VKORC1L1: variants seen among roughly 807,000 people sequenced by gnomAD.
The protein encoded by VKORC1L1 is vitamin K epoxide reductase complex subunit 1-like protein 1.
A neutral mutation model predicts 18.9 loss-of-function variants in VKORC1L1; 2 were observed. That is an observed-to-expected ratio of 0.11 (90% CI 0.04 to 0.33). The LOEUF (loss-of-function observed/expected upper bound fraction) is 0.33, where lower values mean the gene tolerates loss of function less well. Ranked by LOEUF, VKORC1L1 falls within the 10% of genes least tolerant of loss-of-function variation. The pLI is 1.00. For synonymous variants in VKORC1L1, 96 were observed against 100.0 expected, an observed-to-expected ratio of 0.96 and a Z score of 0.24; for missense variants, 123 against 224.1, an observed-to-expected ratio of 0.55 and a Z score of 2.88.
chr7:65,959,357 A>G lies in VKORC1L1; in HGVS notation c.*5057A>G, dbSNP rs984630632. The G allele has an allele frequency of 2.0e-5, 3 of 152,206 alleles. 1 individual carries two copies. In the South Asian group the frequency reaches 6.2e-4, roughly 31 times the overall value. 9.4% of individuals were successfully genotyped at this position (152,206 alleles called of 1,614,324 possible). On this transcript the variant is annotated 3_prime_UTR_variant, in exon 3 of 3. Coordinates refer to ENST00000360768, the MANE Select transcript of VKORC1L1 (RefSeq NM_173517.6). Reference sequence around the variant, plus strand: ...ATTTGTAAACCATTTAAATGTGTCTATTACATTTAACTTTTCTTAATGTTT... The same window carrying G: ...ATTTGTAAACCATTTAAATGTGTCTGTTACATTTAACTTTTCTTAATGTTT...
chr7:65,957,384 G>C lies in VKORC1L1; in HGVS notation c.*3084G>C, dbSNP rs1790313063. On this transcript the variant is annotated 3_prime_UTR_variant, in exon 3 of 3. Transcript: ENST00000360768. ...TAATCCCAGCTACTCGGGAGGCTGAGGGAGGAGAATTGCTTGAGCCCGGGA... is the reference window on the plus strand; with the variant it reads ...TAATCCCAGCTACTCGGGAGGCTGACGGAGGAGAATTGCTTGAGCCCGGGA... The C allele has an allele frequency of 6.6e-6, 1 of 152,260 alleles. No individual in the cohort carries two copies. Among genetic ancestry groups the C allele is most frequent in the South Asian group, 2.1e-4 (1 of 4,824 alleles). The allele number at this position is 152,260 out of a possible 1,614,324, so 9.4% of individuals were successfully genotyped here. A position where few individuals can be genotyped will look rare whatever the true frequency, so the allele number is the denominator to read the frequency against.
At chr7:65,913,163 A>G (rs551224804) in intron 1 of VKORC1L1, among the ~76,000 whole-genome samples, 11 of 152,354 alleles carry the variant, frequency 7.2e-5, no homozygotes, top group African/African-American at 2.4e-4. Flanking sequence ...CTTGGCTGCT[A>G]TAACTATGAA....
chr7:65,945,404 G>T (rs1258955336), intron 1 of VKORC1L1, among the ~76,000 whole-genome samples: 4 of 152,102 alleles, frequency 2.6e-5, no homozygotes, highest in African/African-American at 4.8e-5. Flanking sequence ...GAGGTCAGCA[G>T]ATCGAGACCA....
Position 65,955,123 on chromosome 7 carries a change from C to G in VKORC1L1, c.*823C>G, listed in dbSNP as rs1203235115. The G allele has an allele frequency of 1.3e-5, 2 of 152,122 alleles. No homozygotes were observed. Among genetic ancestry groups the G allele is most frequent in the African/African-American group, 4.8e-5 (2 of 41,408 alleles). The allele number at this position is 152,122 out of a possible 1,614,324, so 9.4% of individuals were successfully genotyped here. On this transcript the variant is annotated 3_prime_UTR_variant, in exon 3 of 3. Transcript: ENST00000360768. ...AGTCATGTGGCCAGACCTTCAAGTC[C>G]AAGGCCTTCAGACACTAAGGATGGG...
At chr7:65,900,006 C>A (rs1332699185) in intron 1 of VKORC1L1, among the ~76,000 whole-genome samples, 3 of 145,634 alleles carry the variant, frequency 2.1e-5, no homozygotes, top group East Asian at 2.1e-4. Flanking sequence ...CACACACACA[C>A]AAAAATAGCT....
chr7:65,945,481 G>A (rs1444963456), intron 1 of VKORC1L1, among the ~76,000 whole-genome samples: 1 of 151,994 alleles, frequency 6.6e-6, no homozygotes. Flanking sequence ...GCATGGTGGT[G>A]GGCGCCTGTA....
intron 2 of VKORC1L1, among the ~76,000 whole-genome samples, chr7:65,952,817 ACT>A (rs1003656496): frequency 1.8e-5 from 2 of 111,894 alleles, no homozygotes; most frequent in African/African-American, 7.1e-5. Context: ...CAGAGTTAAG[ACT>A]CTGTCGCCCA....
At chr7:65,875,542 T>C (rs1331320782) in intron 1 of VKORC1L1, among the ~76,000 whole-genome samples, 1 of 151,948 alleles carries the variant, frequency 6.6e-6, no homozygotes, top group Non-Finnish European at 1.5e-5. Flanking sequence ...CTCAGCCTCC[T>C]GAGTAGCTGG....
rs1047992181 is a variant in VKORC1L1, at chr7:65,939,753, G to A, written c.195-8918G>A. 2.6e-5 allele frequency among the ~76,000 whole-genome samples: 4 copies of A among 152,126 alleles called. 1 individual carries two copies. The highest frequency in any genetic ancestry group is 7.2e-5 in the African/African-American group (3 of 41,440). On this transcript the variant is annotated intron_variant, in intron 1 of 2. Coordinates refer to ENST00000360768, the MANE Select transcript of VKORC1L1 (RefSeq NM_173517.6). ...AAGCCACAGGTTACAACAGATTTGCGAACTCAACCAGGCACAGTGGTGTCA... is the reference window on the plus strand; with the variant it reads ...AAGCCACAGGTTACAACAGATTTGCAAACTCAACCAGGCACAGTGGTGTCA...
At chr7:65,947,100 C>A (rs1411715989) in intron 1 of VKORC1L1, among the ~76,000 whole-genome samples, 1 of 152,052 alleles carries the variant, frequency 6.6e-6, no homozygotes, top group East Asian at 1.9e-4. Context: ...ATTGCAACTG[C>A]ACTGTAGCCT....
chr7:65,875,102 G>A (rs1418542895), intron 1 of VKORC1L1, among the ~76,000 whole-genome samples: 1 of 152,008 alleles, frequency 6.6e-6, no homozygotes, highest in Non-Finnish European at 1.5e-5. Context: ...AAGGAGGGTA[G>A]GTAAAAATAA....
rs186750828 is a variant in VKORC1L1 at position 65,886,998 on chromosome 7, C to T, written c.194+13433C>T. 1.9e-3 allele frequency among the ~76,000 whole-genome samples: 292 copies of T among 150,808 alleles called. 2 individuals carry two copies. Among genetic ancestry groups the T allele is most frequent in the African/African-American group, 6.8e-3 (280 of 41,006 alleles). ...CCAAGTAGCTGGGATTACAGGCGCA[C>T]GCCACCAACCCTGGCTGATTTTACA... On this transcript the variant is annotated intron_variant, in intron 1 of 2. Transcript: ENST00000360768.
intron 1 of VKORC1L1, among the ~76,000 whole-genome samples, chr7:65,885,268 A>G (rs1041063329): frequency 1.3e-4 from 20 of 151,778 alleles, no homozygotes; most frequent in Admixed American, 3.9e-4. Context: ...TTATTGCTTT[A>G]TAGGAGTTCT....
intron 1 of VKORC1L1, among the ~76,000 whole-genome samples, chr7:65,881,459 G>C (rs1294214893): frequency 1.3e-5 from 2 of 152,162 alleles, no homozygotes; most frequent in Non-Finnish European, 2.9e-5. Flanking sequence ...TGCAGAGATG[G>C]AGAACAGATT....
At chr7:65,947,115 A>G (rs1324384998) in intron 1 of VKORC1L1, among the ~76,000 whole-genome samples, 1 of 152,178 alleles carries the variant, frequency 6.6e-6, no homozygotes, top group Non-Finnish European at 1.5e-5. Flanking sequence ...TAGCCTGGGC[A>G]ACAGAGGAAC....
At chr7:65,867,185 C>T in the VKORC1L1 span, among the ~76,000 whole-genome samples, 1 of 150,752 alleles carries the variant, frequency 6.6e-6, no homozygotes, top group Non-Finnish European at 1.5e-5. Flanking sequence ...GACTCCATCA[C>T]TAAAAAAAGA....
Position 65,896,406 on chromosome 7 carries a change from G to C in VKORC1L1, c.194+22841G>C, listed in dbSNP as rs369265681. Among the ~76,000 whole-genome samples, 105 of 152,148 alleles carry C rather than the reference G, an allele frequency of 6.9e-4. 1 individual carries two copies. The highest frequency in any genetic ancestry group is 2.5e-3 in the African/African-American group (102 of 41,508). ...TAAATACTCATTTTCTGTTGGAATT[G>C]AGTGGGACTGCTGGGTCATAGGATG... On this transcript the variant is annotated intron_variant, in intron 1 of 2. Coordinates refer to ENST00000360768, the MANE Select transcript of VKORC1L1 (RefSeq NM_173517.6).
At chr7:65,950,846 G>A (rs1790201326) in intron 2 of VKORC1L1, among the ~76,000 whole-genome samples, 2 of 152,212 alleles carry the variant, frequency 1.3e-5, no homozygotes, top group Admixed American at 1.3e-4. Flanking sequence ...AGGGTCGGGT[G>A]GTTGGGGAGG....
chr7:65,945,594 AC>A (rs1245263824), intron 1 of VKORC1L1, among the ~76,000 whole-genome samples: 1 of 151,814 alleles, frequency 6.6e-6, no homozygotes, highest in Non-Finnish European at 1.5e-5. Flanking sequence ...CCTGGGCGAC[AC>A]GAATGAGACT....
Sources: gnomAD v4.1 joint callset for allele counts (sites outside exome capture counted in the v4.1 genomes callset) on GRCh38, gnomAD v4.1.1 for gene constraint, MANE v1.5 for transcripts, NCBI Gene and HGNC (gene_info 2026-07-23, HGNC 2026-07-21) for gene names.